The following HHLA1 variants were observed in gnomAD, a reference collection of about 807,000 sequenced individuals.
HHLA1 encodes HHLA1 neighbor of OC90, also known as HERV-H LTR-associating protein 1.
In HHLA1, 72 loss-of-function variants were observed where a neutral mutation model predicts 69.9. The ratio of observed to expected loss-of-function variants is 1.03; its 90% CI spans 0.85 to 1.25. HHLA1 has a LOEUF of 1.25. Ranked by LOEUF, HHLA1 falls within the 50% of genes most tolerant of loss-of-function variation. HHLA1 has a pLI of 0.00. For missense variants in HHLA1, 685 were observed against 642.2 expected (o/e 1.07, Z -0.72); for synonymous variants, 252 against 233.2 (o/e 1.08, Z -0.73).
Position 132,070,587 on chromosome 8 carries a change from T to C in HHLA1, c.1469+753A>G, listed in dbSNP as rs115602128. 5.6e-3 allele frequency among the ~76,000 whole-genome samples: 841 copies of C among 151,366 alleles called. 13 individuals are homozygous for C. Among genetic ancestry groups the C allele is most frequent in the African/African-American group, 0.019 (783 of 40,746 alleles). ...TAAACTCAACACAATTCAACTTATC[T>C]CAACTCAACTCAACTCATCTCAACT... On this transcript the variant is annotated intron_variant, in intron 15 of 16. Coordinates refer to ENST00000414222, the MANE Select transcript of HHLA1 (RefSeq NM_001145095.3).
chr8:132,082,850 G>C (rs1480993867), intron 10 of HHLA1, among the ~76,000 whole-genome samples: 1 of 152,240 alleles, frequency 6.6e-6, no homozygotes, highest in African/African-American at 2.4e-5. Context: ...AACTTGTAAG[G>C]CTTGTCTGGT....
chr8:132,075,604 C>T (rs899860311), intron 14 of HHLA1, among the ~76,000 whole-genome samples: 3 of 152,210 alleles, frequency 2.0e-5, no homozygotes, highest in Non-Finnish European at 2.9e-5. Flanking sequence ...AATGAGGTTG[C>T]ATTTTGCAGT....
At chr8:132,071,209 C>T (rs1439920558) in intron 15 of HHLA1, 131 bp downstream of exon 15, 76 of 708,030 alleles carry the variant, frequency 1.1e-4, no homozygotes, top group Non-Finnish European at 4.7e-5. Flanking sequence ...GAGTCCCTTA[C>T]CTTGAGGTAA....
At chr8:132,080,117 G>T in intron 10 of HHLA1, 151 bp from the exon 11 acceptor site, 2 of 1,071,402 alleles carry the variant, frequency 1.9e-6, no homozygotes, top group Non-Finnish European at 2.8e-6. Flanking sequence ...TTCCTGAACA[G>T]ATTCTGACCC....
Position 132,095,673 on chromosome 8 carries a change from C to T in HHLA1, c.364+30G>A, listed in dbSNP as rs780370202. On this transcript the variant is annotated intron_variant, in intron 6 of 16. Transcript: ENST00000414222. ...CCCTGCAACACATCCCTACCACCAC[C>T]ACCATCAAGAAGAGCCAGCCAGCAC... 6.5e-6 allele frequency: 10 copies of T among 1,541,250 alleles called. No homozygotes were observed. In the South Asian group the frequency reaches 1.2e-4, roughly 18 times the overall value.
intron 10 of HHLA1, among the ~76,000 whole-genome samples, chr8:132,084,870 C>T (rs191146145): frequency 0.014 from 2,174 of 151,292 alleles, 52 homozygotes; most frequent in African/African-American, 0.05. Flanking sequence ...TGGAAATAAG[C>T]GATTGGGGGG....
In HHLA1 at chr8:132,062,448, T is replaced by C. The variant is rs374568240; in HGVS notation, c.*1547A>G. The C allele has an allele frequency of 1.3e-5, 2 of 152,088 alleles. No individual in the cohort carries two copies. The highest frequency in any genetic ancestry group is 1.5e-5 in the Non-Finnish European group (1 of 68,028). 9.4% of individuals were successfully genotyped at this position (152,088 alleles called of 1,614,324 possible). A position where few individuals can be genotyped will look rare whatever the true frequency, so the allele number is the denominator to read the frequency against. ...TGGCAGAAACTGTTTTCTACTTAGATGATGAACAGAAAGTGACTTTCCTCA... is the reference window on the plus strand; with the variant it reads ...TGGCAGAAACTGTTTTCTACTTAGACGATGAACAGAAAGTGACTTTCCTCA... On this transcript the variant is annotated 3_prime_UTR_variant, in exon 17 of 17. Coordinates refer to ENST00000414222, the MANE Select transcript of HHLA1 (RefSeq NM_001145095.3).
chr8:132,085,920 C>A (rs1245354542), intron 10 of HHLA1, among the ~76,000 whole-genome samples: 2 of 151,992 alleles, frequency 1.3e-5, no homozygotes, highest in Non-Finnish European at 2.9e-5. Context: ...TTTTGTGATT[C>A]TTCAGTTACT....
chr8:132,074,928 G>C (rs189502816), intron 14 of HHLA1, among the ~76,000 whole-genome samples: 1 of 152,060 alleles, frequency 6.6e-6, no homozygotes, highest in African/African-American at 2.4e-5. Flanking sequence ...GAGACAGATA[G>C]ATATAGTTAT....
chr8:132,078,351 G>C (rs1373997356), intron 11 of HHLA1, among the ~76,000 whole-genome samples: 2 of 152,120 alleles, frequency 1.3e-5, no homozygotes, highest in African/African-American at 4.8e-5. Flanking sequence ...AAACAGATTA[G>C]TTGTGCCTCT....
rs1823365268 is a variant in HHLA1 at position 132,062,227 on chromosome 8, T to C, written c.*1768A>G. The C allele has an allele frequency of 6.6e-6, 1 of 152,236 alleles. No homozygotes were observed. Among genetic ancestry groups the C allele is most frequent in the Non-Finnish European group, 1.5e-5 (1 of 68,052 alleles). The allele number at this position is 152,236 out of a possible 1,614,324, so 9.4% of individuals were successfully genotyped here. ...ATCCTCTTCATCTTTGCAAAAGTCA[T>C]GATAATATACATTTATGAGCTTGAC... On this transcript the variant is annotated 3_prime_UTR_variant, in exon 17 of 17. Coordinates refer to ENST00000414222, the MANE Select transcript of HHLA1 (RefSeq NM_001145095.3).
chr8:132,109,419 T>C (rs1013395514), intron 1 of HHLA1, among the ~76,000 whole-genome samples: 1 of 131,038 alleles, frequency 7.6e-6, no homozygotes, highest in African/African-American at 2.8e-5. Flanking sequence ...TTGTGAGGAC[T>C]CCTATAAGCA....
At chr8:132,082,596 G>C (rs1441777375) in intron 10 of HHLA1, among the ~76,000 whole-genome samples, 4 of 152,142 alleles carry the variant, frequency 2.6e-5, no homozygotes, top group African/African-American at 9.7e-5. Context: ...GGCTGTCTGT[G>C]AAGCTTTGCA....
At chr8:132,105,332 C>T in intron 1 of HHLA1, 46 bp from the exon 2 acceptor site, 2 of 1,195,940 alleles carry the variant, frequency 1.7e-6, no homozygotes, top group Non-Finnish European at 2.4e-6. Context: ...CACATGGATG[C>T]AGACCTTCCT....
chr8:132,098,127 T>C (rs764977934), intron 5 of HHLA1, among the ~76,000 whole-genome samples: 4 of 152,236 alleles, frequency 2.6e-5, no homozygotes, highest in Non-Finnish European at 4.4e-5. Context: ...AGGTGTTCTA[T>C]GAATATTGAT....
rs1823392822 is a variant in HHLA1 at position 132,063,919 on chromosome 8, C to A, written c.*76G>T. 2.9e-6 allele frequency: 2 copies of A among 678,154 alleles called. No homozygotes were observed. Among genetic ancestry groups the A allele is most frequent in the South Asian group, 4.7e-5 (2 of 42,786 alleles). 42.0% of individuals were successfully genotyped at this position (678,154 alleles called of 1,614,324 possible). On this transcript the variant is annotated 3_prime_UTR_variant, in exon 17 of 17. Transcript: ENST00000414222. ...CCTGGGTGAATTCTTCAAATGTAGC[C>A]CACTTGGGACAAGAGCCAGGGTGGA...
intron 14 of HHLA1, among the ~76,000 whole-genome samples, chr8:132,075,237 C>A (rs1443045754): frequency 1.3e-5 from 2 of 152,164 alleles, no homozygotes; most frequent in African/African-American, 4.8e-5. Context: ...CAGGGTCCAG[C>A]AGTTTAATAA....
intron 10 of HHLA1, among the ~76,000 whole-genome samples, chr8:132,082,966 T>C (rs1473325159): frequency 6.6e-6 from 1 of 151,392 alleles, no homozygotes; most frequent in East Asian, 1.9e-4. Flanking sequence ...TAAAGCGTGC[T>C]GTGGGATGGG....
chr8:132,070,762 T>C (rs1045538800), intron 15 of HHLA1, among the ~76,000 whole-genome samples: 6 of 151,570 alleles, frequency 4.0e-5, no homozygotes, highest in African/African-American at 1.5e-4. Context: ...ACAACTCAAC[T>C]CATCTCAACT....
Sources: gnomAD v4.1 joint callset for allele counts (sites outside exome capture counted in the v4.1 genomes callset) on GRCh38, gnomAD v4.1.1 for gene constraint, MANE v1.5 for transcripts, NCBI Gene and HGNC (gene_info 2026-07-23, HGNC 2026-07-21) for gene names.